PGBD2: variants seen among roughly 807,000 people sequenced by gnomAD.
PGBD2 encodes the protein piggyBac transposable element derived 2, also known as piggyBac transposable element-derived protein 2.
PGBD2 carries 6 observed loss-of-function variants against 8.1 expected under a neutral mutation model. That is an observed-to-expected ratio of 0.74 (90% CI 0.40 to 1.46). The LOEUF (loss-of-function observed/expected upper bound fraction) is 1.46. Among genes scored for constraint, PGBD2 ranks in the 40% most tolerant of loss-of-function variants. PGBD2 has a pLI of 0.02. For missense variants in PGBD2, 802 were observed against 739.0 expected (o/e 1.09, Z -0.99); for synonymous variants, 318 against 272.2 (o/e 1.17, Z -1.66).
the PGBD2 span, among the ~76,000 whole-genome samples, chr1:248,875,308 CAAAAAAAAAAA>C: frequency 7.3e-5 from 8 of 110,266 alleles, no homozygotes; most frequent in Admixed American, 2.1e-4. Context: ...AAAAACAAAA[CAAAAAAAAAAA>C]AAAAAAAAAG....
the PGBD2 span, among the ~76,000 whole-genome samples, chr1:248,929,306 C>T: frequency 6.6e-6 from 1 of 152,056 alleles, no homozygotes; most frequent in African/African-American, 2.4e-5. Context: ...TCTTGCAATC[C>T]GGGTGGAAGT....
the PGBD2 span, among the ~76,000 whole-genome samples, chr1:248,929,742 G>A: frequency 3.3e-5 from 5 of 152,170 alleles, no homozygotes; most frequent in African/African-American, 9.7e-5. Flanking sequence ...GCGAGTTAAA[G>A]GTGTTTCCCC....
Position 248,917,059 on chromosome 1 carries a change from A to C in PGBD2, c.475A>C (p.Asn159His), listed in dbSNP as rs775326514. The change falls in exon 3 of 3, where the codon AAT becomes CAT. Residue 159 changes from asparagine to histidine, a missense_variant. Transcript: ENST00000329291. ...TGAAGGAACAATTAATTTCATTGTT[A>C]ATGAAACCAATCGTTATGCTTGGCA... ...FDEGTINFIV[N>H]ETNRYAWQKN... The C allele has an allele frequency of 6.2e-7, 1 of 1,613,918 alleles. No individual in the cohort carries two copies. The highest frequency in any genetic ancestry group is 1.7e-5 in the Admixed American group (1 of 59,956).
At chr1:248,901,940 A>G (rs899884007), upstream of PGBD2, among the ~76,000 whole-genome samples, 2 of 152,238 alleles carry the variant, frequency 1.3e-5, no homozygotes, top group African/African-American at 4.8e-5. Context: ...AGCCCCATTA[A>G]AAACATCATT....
At position 248,918,397 on chromosome 1, in the gene PGBD2, G is replaced by T. The variant is rs1662198375; in HGVS notation, c.*34G>T. On this transcript the variant is annotated 3_prime_UTR_variant, in exon 3 of 3. Transcript: ENST00000329291. ...GACATGCTTCTTTGGTTTATAATGAGATGTTTACAGTTAAATACAGATGGC... is the reference window on the plus strand; with the variant it reads ...GACATGCTTCTTTGGTTTATAATGATATGTTTACAGTTAAATACAGATGGC... The T allele has an allele frequency of 6.6e-7, 1 of 1,513,362 alleles. No homozygotes were observed. The highest frequency in any genetic ancestry group is 8.8e-7 in the Non-Finnish European group (1 of 1,130,314). 93.7% of individuals were successfully genotyped at this position (1,513,362 alleles called of 1,614,324 possible).
chr1:248,914,637 C>T (rs1558287788), intron 2 of PGBD2: 2 of 1,272,336 alleles, frequency 1.6e-6, no homozygotes, highest in Middle Eastern at 2.7e-4. Flanking sequence ...GAGGTTGGGG[C>T]CTGCAAAGGG....
chr1:248,880,840 G>C, the PGBD2 span, among the ~76,000 whole-genome samples: 1 of 152,100 alleles, frequency 6.6e-6, no homozygotes, highest in African/African-American at 2.4e-5. Flanking sequence ...GTCTGGGCTT[G>C]TGTTTTTATC....
At chr1:248,907,497 C>T (rs115148489) in intron 1 of PGBD2, among the ~76,000 whole-genome samples, 68 of 152,296 alleles carry the variant, frequency 4.5e-4, no homozygotes, top group Non-Finnish European at 6.8e-4. Flanking sequence ...GGCTGGGGGA[C>T]GGTAAGGTCT....
rs1179271186 is a variant in PGBD2, at chr1:248,917,628, ATT to A, written c.1049_1050del (p.Phe350Ter). 6.2e-7 allele frequency: 1 copy of A among 1,614,162 alleles called. No individual in the cohort carries two copies. The highest frequency in any genetic ancestry group is 1.7e-5 in the Admixed American group (1 of 60,030). ...QERGFLPYHIFFDKVFTSVKL... is the reference protein window; with the variant it reads ...QERGFLPYHIXFDKVFTSVKL... ...AGCGTGGTTTTCTGCCATATCACATATTTTTTGACAAGGTTTTCACAAGTGTT... is the reference window on the plus strand; with the variant it reads ...AGCGTGGTTTTCTGCCATATCACATATTTTGACAAGGTTTTCACAAGTGTT... On this transcript the variant is annotated frameshift_variant, in exon 3 of 3. Transcript: ENST00000329291. LOFTEE classifies it low-confidence loss of function (END_TRUNC).
chr1:248,889,394 A>AAAAT, the PGBD2 span, among the ~76,000 whole-genome samples: 5,259 of 152,036 alleles, frequency 0.035, 301 homozygotes, highest in African/African-American at 0.12. Flanking sequence ...TCTCAAAAAG[A>AAAAT]AAATAAATAA....
At chr1:248,928,608 A>T in the PGBD2 span, among the ~76,000 whole-genome samples, 1 of 152,178 alleles carries the variant, frequency 6.6e-6, no homozygotes, top group Admixed American at 6.5e-5. Flanking sequence ...AGGGAGAAAA[A>T]CTAATCTGTT....
At position 248,917,788 on chromosome 1, in the gene PGBD2, G is replaced by C. The variant is rs749697142; in HGVS notation, c.1204G>C (p.Val402Leu). ...GAAGAGGGGTTCATTTGATTACAAA[G>C]TCGATGAGAGTGAGGAGATCATCGT... ...KMKRGSFDYK[V>L]DESEEIIVCR... Residue 402 changes from valine (V) to leucine (L), a missense_variant, in exon 3 of 3, where the codon GTC becomes CTC. Coordinates refer to ENST00000329291, the MANE Select transcript of PGBD2 (RefSeq NM_170725.3). 3 of 1,614,206 alleles carry C rather than the reference G, an allele frequency of 1.9e-6. No individual in the cohort carries two copies. The Admixed American group carries it at 5.0e-5, about 27-fold the overall frequency.
the PGBD2 span, among the ~76,000 whole-genome samples, chr1:248,925,817 C>T: frequency 1.1e-4 from 16 of 152,028 alleles, no homozygotes; most frequent in African/African-American, 3.4e-4. Context: ...CCATTGCCAG[C>T]GGGGGAGTTC....
chr1:248,888,026 C>T, the PGBD2 span, among the ~76,000 whole-genome samples: 2 of 152,178 alleles, frequency 1.3e-5, no homozygotes, highest in African/African-American at 4.8e-5. Flanking sequence ...TTTTCTGTTT[C>T]TGTGTTAATT....
intron 1 of PGBD2, among the ~76,000 whole-genome samples, chr1:248,908,262 G>A (rs1661730851): frequency 6.6e-6 from 1 of 152,152 alleles, no homozygotes; most frequent in Admixed American, 6.5e-5. Context: ...AGTGGCCTGG[G>A]GAGCTCCAGG....
the PGBD2 span, among the ~76,000 whole-genome samples, chr1:248,877,563 C>A: frequency 1.3e-5 from 2 of 151,892 alleles, no homozygotes; most frequent in Admixed American, 1.3e-4. Context: ...GGGCTTGGAT[C>A]CTGGTAAAAC....
downstream of PGBD2, among the ~76,000 whole-genome samples, chr1:248,922,517 G>A (rs1037293616): frequency 2.6e-5 from 4 of 152,150 alleles, no homozygotes; most frequent in Admixed American, 2.6e-4. Flanking sequence ...GCAAGAGAGG[G>A]CATCCTTGTC....
the PGBD2 span, among the ~76,000 whole-genome samples, chr1:248,873,926 G>C: frequency 2.3e-3 from 344 of 152,310 alleles, 2 homozygotes; most frequent in Middle Eastern, 0.014. Context: ...TCTGGTCTCC[G>C]GATGGAGGCG....
rs1377077989 is a variant in PGBD2 at position 248,916,911 on chromosome 1, G to A, written c.327G>A (p.Gln109=). The change falls in exon 3 of 3, where the codon CAG becomes CAA. Residue 109 remains glutamine (Q), a synonymous_variant. Transcript: ENST00000329291. ...GGCAGAAAGCAGTTGTGAAACCTCAGCGCATTTGGACCAAAAGAGATATTC... is the reference window on the plus strand; with the variant it reads ...GGCAGAAAGCAGTTGTGAAACCTCAACGCATTTGGACCAAAAGAGATATTC... ...KKRQKAVVKP[Q]RIWTKRDIRP... The A allele has an allele frequency of 6.2e-7, 1 of 1,614,030 alleles. No individual in the cohort carries two copies. The highest frequency in any genetic ancestry group is 8.5e-7 in the Non-Finnish European group (1 of 1,180,002).
Sources: gnomAD v4.1 joint callset for allele counts (sites outside exome capture counted in the v4.1 genomes callset) on GRCh38, gnomAD v4.1.1 for gene constraint, MANE v1.5 for transcripts, NCBI Gene and HGNC (gene_info 2026-07-23, HGNC 2026-07-21) for gene names.